Variants in BRPF3 observed in about 807,000 individuals in gnomAD.
BRPF3 encodes bromodomain and PHD finger-containing protein 3.
BRPF3 carries 18 observed loss-of-function variants against 102.0 expected under a neutral mutation model. The observed-to-expected ratio is 0.18, with a 90% confidence interval of 0.12 to 0.26. BRPF3 has a LOEUF of 0.26. BRPF3 is among the 10% of genes least tolerant of loss of function. The probability of loss-of-function intolerance (pLI) is 1.00; values close to 1 mark genes in which losing one functional copy is unlikely to be tolerated. For missense variants in BRPF3, 1,147 were observed against 1,567.8 expected (o/e 0.73, Z 4.53); for synonymous variants, 570 against 614.2 (o/e 0.93, Z 1.06).
intron 9 of BRPF3, among the ~76,000 whole-genome samples, chr6:36,221,565 G>A (rs566485449): frequency 3.3e-5 from 5 of 152,188 alleles, no homozygotes; most frequent in African/African-American, 4.8e-5. Context: ...GATTACAGGC[G>A]TGAGCCACCA....
chr6:36,196,816 G>A lies in BRPF3; in HGVS notation c.-181G>A, dbSNP rs1450949020. The A allele has an allele frequency of 6.6e-6, 1 of 152,160 alleles. No homozygotes were observed. The highest frequency in any genetic ancestry group is 2.4e-5 in the African/African-American group (1 of 41,088). The allele number at this position is 152,160 out of a possible 1,614,324, so 9.4% of individuals were successfully genotyped here. A position where few individuals can be genotyped will look rare whatever the true frequency, so the allele number is the denominator to read the frequency against. Reference sequence around the variant, plus strand: ...GGAGCGGCGGCGGCGGCCGGGCCGGGGCCCCAGCGCGGGCCGGGAGGGGGC... The same window carrying A: ...GGAGCGGCGGCGGCGGCCGGGCCGGAGCCCCAGCGCGGGCCGGGAGGGGGC... On this transcript the variant is annotated 5_prime_UTR_variant, in exon 1 of 13. Coordinates refer to ENST00000357641, the MANE Select transcript of BRPF3 (RefSeq NM_015695.3).
At position 36,201,110 on chromosome 6, in the gene BRPF3, C is replaced by T; in HGVS notation, c.788C>T (p.Pro263Leu). 1.9e-6 allele frequency: 3 copies of T among 1,614,110 alleles called. No individual in the cohort carries two copies. The highest frequency in any genetic ancestry group is 2.5e-6 in the Non-Finnish European group (3 of 1,180,022). Residue 263 changes from proline (P) to leucine (L), a missense_variant, in exon 2 of 13, where the codon CCC (proline) becomes CTC (leucine). By Grantham distance (98) the Pro-to-Leu change is moderately conservative (BLOSUM62 -3). Coordinates refer to ENST00000357641, the MANE Select transcript of BRPF3 (RefSeq NM_015695.3). The surrounding 1 kb of genome is among the most constrained non-coding windows in gnomAD (Gnocchi z 5.1). ...QWLCRCCLQS[P>L]SRPVDCILCP... ...CTATGCCGCTGCTGCCTGCAGTCTC[C>T]CTCCCGGCCTGTGGATTGCATCCTT...
Position 36,210,624 on chromosome 6 carries a change from A to G in BRPF3, c.2179+96A>G, listed in dbSNP as rs1245566567. ...GGATCAGGGTGGTCCTTGGGGCTAT[A>G]GGTAGACTCCAGGAGCAAAGCTGAG... On this transcript the variant is annotated intron_variant, in intron 6 of 12. Coordinates refer to ENST00000357641, the MANE Select transcript of BRPF3 (RefSeq NM_015695.3). The surrounding 1 kb of genome is among the most constrained non-coding windows in gnomAD (Gnocchi z 4.7). 11 of 1,193,638 alleles carry G rather than the reference A, an allele frequency of 9.2e-6. No homozygotes were observed. Among genetic ancestry groups the G allele is most frequent in the African/African-American group, 1.5e-5 (1 of 65,240 alleles). The allele number at this position is 1,193,638 out of a possible 1,614,324, so 73.9% of individuals were successfully genotyped here. A position where few individuals can be genotyped will look rare whatever the true frequency, so the allele number is the denominator to read the frequency against.
intron 3 of BRPF3, among the ~76,000 whole-genome samples, chr6:36,206,536 C>T (rs1389149837): frequency 6.6e-6 from 1 of 152,176 alleles, no homozygotes. Context: ...TATAGTTCTC[C>T]AGCATCTCTG....
chr6:36,205,585 T>G (rs1767875640), intron 3 of BRPF3, among the ~76,000 whole-genome samples: 1 of 152,232 alleles, frequency 6.6e-6, no homozygotes, highest in South Asian at 2.1e-4. Context: ...AAGTCTTTCC[T>G]TATATTCTCA....
At chr6:36,224,696 G>A (rs1036716677) in intron 10 of BRPF3, among the ~76,000 whole-genome samples, 3 of 152,172 alleles carry the variant, frequency 2.0e-5, no homozygotes, top group Non-Finnish European at 4.4e-5. Context: ...TGCCCAAGCT[G>A]GATTATGGCC....
intron 2 of BRPF3, among the ~76,000 whole-genome samples, chr6:36,203,014 G>C (rs1325669516): frequency 1.3e-5 from 2 of 152,222 alleles, no homozygotes; most frequent in Admixed American, 6.5e-5. Flanking sequence ...CAGTGACTCT[G>C]TATGTGTTTT....
At chr6:36,223,302 T>C (rs1233213306) in intron 10 of BRPF3, among the ~76,000 whole-genome samples, 1 of 152,252 alleles carries the variant, frequency 6.6e-6, no homozygotes, top group Non-Finnish European at 1.5e-5. Flanking sequence ...AATGCATGCC[T>C]GTGTGTTTCA....
In BRPF3 at chr6:36,210,738, A is replaced by G. The variant is rs1159690250; in HGVS notation, c.2179+210A>G. On this transcript the variant is annotated intron_variant, in intron 6 of 12. Coordinates refer to ENST00000357641, the MANE Select transcript of BRPF3 (RefSeq NM_015695.3). The surrounding 1 kb of genome is among the most constrained non-coding windows in gnomAD (Gnocchi z 4.7). Reference sequence around the variant, plus strand: ...ATGTACTCTGCACTTCTTAAGTGGTAGAAAAGGGGAATCAGGTACTAGTGG... The same window carrying G: ...ATGTACTCTGCACTTCTTAAGTGGTGGAAAAGGGGAATCAGGTACTAGTGG... Among the ~76,000 whole-genome samples, 1 of 152,230 alleles carries G rather than the reference A, an allele frequency of 6.6e-6. No individual in the cohort carries two copies.
At chr6:36,223,644 T>TA (rs1173352971) in intron 10 of BRPF3, among the ~76,000 whole-genome samples, 1 of 152,232 alleles carries the variant, frequency 6.6e-6, no homozygotes, top group East Asian at 1.9e-4. Flanking sequence ...TGTTGACACA[T>TA]AATCTTTATA....
chr6:36,212,054 T>C (rs1768137808), intron 7 of BRPF3, among the ~76,000 whole-genome samples: 1 of 152,194 alleles, frequency 6.6e-6, no homozygotes, highest in African/African-American at 2.4e-5. Context: ...TCATGGTTTT[T>C]ACCCCATCTG....
chr6:36,203,437 A>G (rs1003843082), intron 2 of BRPF3, among the ~76,000 whole-genome samples: 1 of 152,204 alleles, frequency 6.6e-6, no homozygotes, highest in Non-Finnish European at 1.5e-5. Context: ...CCCTACCTGC[A>G]CAAATGCTGT....
chr6:36,212,788 C>T (rs1281477667), intron 7 of BRPF3, among the ~76,000 whole-genome samples: 2 of 151,490 alleles, frequency 1.3e-5, no homozygotes, highest in Non-Finnish European at 2.9e-5. Flanking sequence ...CCCGTCTCTA[C>T]TAAAAATACA....
chr6:36,215,958 T>A (rs1768315321), intron 8 of BRPF3, among the ~76,000 whole-genome samples: 1 of 152,204 alleles, frequency 6.6e-6, no homozygotes, highest in Non-Finnish European at 1.5e-5. Flanking sequence ...GCACTTGCTT[T>A]TCTGTCTTCT....
rs1213586503 is a variant in BRPF3, at chr6:36,222,154, T to C, written c.3084-14T>C. 14 of 1,550,118 alleles carry C rather than the reference T, an allele frequency of 9.0e-6. No individual in the cohort carries two copies. The highest frequency in any genetic ancestry group is 1.2e-5 in the Non-Finnish European group (14 of 1,146,906). ...ATTGCTCATTTCACCCCTCTCTCCC[T>C]GCTCTGTGTGCAGTGGTCTGACGCC... On this transcript the variant is annotated splice_polypyrimidine_tract_variant and intron_variant, in intron 9 of 12. Transcript: ENST00000357641.
chr6:36,213,809 G>A, intron 7 of BRPF3, 71 bp from the exon 8 acceptor site: 1 of 1,475,294 alleles, frequency 6.8e-7, no homozygotes, highest in South Asian at 1.4e-5. Context: ...TTGGTTGTCA[G>A]TGTCAGTATC....
chr6:36,218,616 C>G (rs375241281), intron 9 of BRPF3, among the ~76,000 whole-genome samples: 1 of 152,070 alleles, frequency 6.6e-6, no homozygotes, highest in Non-Finnish European at 1.5e-5. Context: ...CGTGCCACCA[C>G]GCCTAGCTAA....
At chr6:36,227,486 C>A (rs1768782080) in intron 11 of BRPF3, among the ~76,000 whole-genome samples, 1 of 152,090 alleles carries the variant, frequency 6.6e-6, no homozygotes, top group South Asian at 2.1e-4. Flanking sequence ...AATGAATGGA[C>A]CATTTATTAT....
chr6:36,206,661 C>T (rs978634371), intron 3 of BRPF3, among the ~76,000 whole-genome samples: 2 of 152,318 alleles, frequency 1.3e-5, no homozygotes, highest in African/African-American at 4.8e-5. Context: ...TTTGCCCATC[C>T]ATGTCTGTCA....
Sources: allele counts gnomAD v4.1 joint callset (sites outside exome capture counted in the v4.1 genomes callset), GRCh38; gene constraint gnomAD v4.1.1; non-coding constraint Gnocchi (gnomAD v3.1); transcripts MANE v1.5; gene names NCBI Gene and HGNC (gene_info 2026-07-23, HGNC 2026-07-21).